Variants in ERN1 observed in about 807,000 individuals in gnomAD.
ERN1 encodes the protein serine/threonine-protein kinase/endoribonuclease IRE1.
Under a neutral mutation model 113.1 loss-of-function variants are expected in ERN1, and 39 were observed. The observed-to-expected ratio is 0.34, with a 90% CI of 0.27 to 0.45. The LOEUF (loss-of-function observed/expected upper bound fraction) is 0.45, where lower values mean the gene tolerates loss of function less well. Among genes scored for constraint, ERN1 ranks in the 20% least tolerant of loss-of-function variants. The probability of loss-of-function intolerance (pLI) is 1.00; values close to 1 mark genes in which losing one functional copy is unlikely to be tolerated. For missense variants in ERN1, 976 were observed against 1,274.8 expected, an observed-to-expected ratio of 0.77 and a Z score of 3.57; for synonymous variants, 507 against 515.9, an observed-to-expected ratio of 0.98 and a Z score of 0.23.
intron 1 of ERN1, among the ~76,000 whole-genome samples, chr17:64,119,878 T>A (rs1463177876): frequency 6.6e-6 from 1 of 152,156 alleles, no homozygotes; most frequent in African/African-American, 2.4e-5. Flanking sequence ...CTTGAAGGCC[T>A]CATCCTGGCT....
rs1000521973 is a variant in ERN1 at position 64,075,287 on chromosome 17, G to C, written c.283-40C>G. ...AAAAAGAAAAAAAAAAGTTAACCAA[G>C]TCTTGTGCAATTATTACAATTTTAC... On this transcript the variant is annotated intron_variant, in intron 4 of 21. Transcript: ENST00000433197. 28 of 1,444,322 alleles carry C rather than the reference G, an allele frequency of 1.9e-5. No homozygotes were observed. In the Admixed American group the frequency reaches 8.2e-4, roughly 43 times the overall value. The allele number at this position is 1,444,322 out of a possible 1,614,324, so 89.5% of individuals were successfully genotyped here.
intron 2 of ERN1, among the ~76,000 whole-genome samples, chr17:64,093,975 T>C (rs1036926745): frequency 2.6e-5 from 4 of 152,206 alleles, no homozygotes; most frequent in African/African-American, 7.2e-5. Context: ...TTACAGGCAC[T>C]AAGTGTGGGG....
chr17:64,050,189 A>G (rs1196057874), intron 17 of ERN1, among the ~76,000 whole-genome samples: 1 of 152,084 alleles, frequency 6.6e-6, no homozygotes, highest in Non-Finnish European at 1.5e-5. Context: ...GCTTTATTCT[A>G]CCTCACTGGA....
rs368862274 is a variant in ERN1, at chr17:64,106,762, AC to A, written c.55-8522del. ...CACACACACACACACACACACACAC[AC>A]AAGCTCGCTGTCTCTTTCTCTCATA... On this transcript the variant is annotated intron_variant, in intron 1 of 21. Coordinates refer to ENST00000433197, the MANE Select transcript of ERN1 (RefSeq NM_001433.5). Among the ~76,000 whole-genome samples the A allele has an allele frequency of 9.5e-3, 1,171 of 123,852 alleles. 20 individuals are homozygous for A. Among genetic ancestry groups the A allele is most frequent in the African/African-American group, 0.021 (492 of 23,604 alleles). 81.3% of individuals were successfully genotyped at this position (123,852 alleles called of 152,430 possible).
intron 2 of ERN1, among the ~76,000 whole-genome samples, chr17:64,094,221 A>T (rs1914166011): frequency 6.6e-6 from 1 of 152,164 alleles, no homozygotes; most frequent in East Asian, 1.9e-4. Context: ...CACTACCAAG[A>T]ACAGTTCACC....
chr17:64,107,934 T>C (rs1914572607), intron 1 of ERN1, among the ~76,000 whole-genome samples: 2 of 152,236 alleles, frequency 1.3e-5, no homozygotes, highest in South Asian at 2.1e-4. Context: ...CAGTTCCTTC[T>C]AACCAGTCTA....
At chr17:64,086,405 A>G (rs1293348555) in intron 2 of ERN1, among the ~76,000 whole-genome samples, 1 of 152,154 alleles carries the variant, frequency 6.6e-6, no homozygotes, top group Non-Finnish European at 1.5e-5. Context: ...TTTATCTCAC[A>G]TAATGTCTTG....
chr17:64,056,653 G>A (rs1018511962), intron 12 of ERN1, among the ~76,000 whole-genome samples: 1 of 152,190 alleles, frequency 6.6e-6, no homozygotes, highest in Non-Finnish European at 1.5e-5. Context: ...TGCAGGAGGT[G>A]GACTGAAGGG....
chr17:64,095,974 T>C (rs1456244097), intron 2 of ERN1, among the ~76,000 whole-genome samples: 3 of 152,080 alleles, frequency 2.0e-5, no homozygotes, highest in East Asian at 3.9e-4. Flanking sequence ...CTCTCATGAG[T>C]GGTTACAGGA....
At position 64,043,928 on chromosome 17, in the gene ERN1, T is replaced by G; in HGVS notation, c.*60A>C. 3.4e-6 allele frequency: 4 copies of G among 1,181,898 alleles called. No homozygotes were observed. Among genetic ancestry groups the G allele is most frequent in the Non-Finnish European group, 4.9e-6 (4 of 818,722 alleles). The allele number at this position is 1,181,898 out of a possible 1,614,324, so 73.2% of individuals were successfully genotyped here. ...AAAGCCGGGAGGCATCAAGCTCTAA[T>G]TGTGGTGACCAGGCCCTCAGTCACA... On this transcript the variant is annotated 3_prime_UTR_variant, in exon 22 of 22. Coordinates refer to ENST00000433197, the MANE Select transcript of ERN1 (RefSeq NM_001433.5).
At position 64,043,773 on chromosome 17, in the gene ERN1, C is replaced by A. The variant is rs965803890; in HGVS notation, c.*215G>T. 4.5e-6 allele frequency: 2 copies of A among 449,036 alleles called. No homozygotes were observed. Among genetic ancestry groups the A allele is most frequent in the Admixed American group, 4.0e-5 (1 of 25,086 alleles). 27.8% of individuals were successfully genotyped at this position (449,036 alleles called of 1,614,324 possible). A position where few individuals can be genotyped will look rare whatever the true frequency, so the allele number is the denominator to read the frequency against. ...CATCATGACCGTAAGGCTTTTGGGG[C>A]CAGCATCTTCCCAGTTCCCTGTAGG... On this transcript the variant is annotated 3_prime_UTR_variant, in exon 22 of 22. Coordinates refer to ENST00000433197, the MANE Select transcript of ERN1 (RefSeq NM_001433.5).
chr17:64,107,657 C>T (rs1914566852), intron 1 of ERN1, among the ~76,000 whole-genome samples: 1 of 152,028 alleles, frequency 6.6e-6, no homozygotes. Flanking sequence ...GTTCCCTGAC[C>T]CTCATCTCAT....
chr17:64,072,912 T>C (rs1436990388), intron 5 of ERN1, among the ~76,000 whole-genome samples: 1 of 152,230 alleles, frequency 6.6e-6, no homozygotes, highest in African/African-American at 2.4e-5. Flanking sequence ...GTGGTCATTT[T>C]TATCTTCCTA....
chr17:64,073,004 ATTT>A (rs34253228), intron 5 of ERN1, among the ~76,000 whole-genome samples: 15 of 128,986 alleles, frequency 1.2e-4, no homozygotes, highest in Admixed American at 1.5e-4. Flanking sequence ...AGCCTTTGAA[ATTT>A]TTTTTTTTTT....
At chr17:64,116,704 C>T (rs540049825) in intron 1 of ERN1, among the ~76,000 whole-genome samples, 34 of 151,972 alleles carry the variant, frequency 2.2e-4, no homozygotes, top group African/African-American at 6.5e-4. Flanking sequence ...TTTGGGTGCA[C>T]AGCCATCACA....
chr17:64,048,619 G>C (rs1171622330), intron 18 of ERN1, among the ~76,000 whole-genome samples: 3 of 152,162 alleles, frequency 2.0e-5, no homozygotes, highest in African/African-American at 7.2e-5. Context: ...CCCATACCAG[G>C]AGACCAGGAG....
At chr17:64,119,783 G>GT (rs1263385080) in intron 1 of ERN1, among the ~76,000 whole-genome samples, 1 of 152,108 alleles carries the variant, frequency 6.6e-6, no homozygotes, top group African/African-American at 2.4e-5. Context: ...GCCAAATGCT[G>GT]TGTCTAGTCT....
Position 64,040,898 on chromosome 17 carries a change from C to G in ERN1, c.*3090G>C, listed in dbSNP as rs1912316112. The G allele has an allele frequency of 6.6e-6, 1 of 152,264 alleles. No homozygotes were observed. Among genetic ancestry groups the G allele is most frequent in the South Asian group, 2.1e-4 (1 of 4,832 alleles). The allele number at this position is 152,264 out of a possible 1,614,324, so 9.4% of individuals were successfully genotyped here. On this transcript the variant is annotated 3_prime_UTR_variant, in exon 22 of 22. Coordinates refer to ENST00000433197, the MANE Select transcript of ERN1 (RefSeq NM_001433.5). ...CGGTGGCTCAAGCCTGTAATCCCAG[C>G]ACTTTGGGAGGCTGAGGCAGGCGGA...
At chr17:64,115,505 C>G (rs988345143) in intron 1 of ERN1, among the ~76,000 whole-genome samples, 1 of 152,176 alleles carries the variant, frequency 6.6e-6, no homozygotes, top group African/African-American at 2.4e-5. Context: ...TTCCCGAAAG[C>G]TGACTTGGCA....
Sources: gnomAD v4.1 joint callset for allele counts (sites outside exome capture counted in the v4.1 genomes callset) on GRCh38, gnomAD v4.1.1 for gene constraint, MANE v1.5 for transcripts, NCBI Gene and HGNC (gene_info 2026-07-23, HGNC 2026-07-21) for gene names.